The following TEPSIN variants were observed in gnomAD, a reference collection of about 807,000 sequenced individuals.
TEPSIN encodes the protein AP-4 complex accessory subunit tepsin.
In TEPSIN, 50 loss-of-function variants were observed where a neutral mutation model predicts 48.5. The observed-to-expected ratio is 1.03, with a 90% CI of 0.82 to 1.31. The LOEUF (loss-of-function observed/expected upper bound fraction) is 1.31. Among genes scored for constraint, TEPSIN ranks in the 50% most tolerant of loss-of-function variants. The pLI is 0.00. For missense variants in TEPSIN, 838 were observed against 815.9 expected (o/e 1.03, Z -0.33); for synonymous variants, 392 against 358.8 (o/e 1.09, Z -1.05).
At chr17:81,232,223 G>A (rs1013315195) in intron 8 of TEPSIN, 92 bp downstream of exon 8, 27 of 1,381,128 alleles carry the variant, frequency 2.0e-5, no homozygotes, top group African/African-American at 4.4e-5. Flanking sequence ...CTGTGTGGGA[G>A]GCCCTGGGAT....
intron 8 of TEPSIN, 57 bp downstream of exon 8, chr17:81,232,258 A>T: frequency 6.9e-7 from 1 of 1,458,258 alleles, no homozygotes; most frequent in Non-Finnish European, 9.1e-7. Flanking sequence ...GCAAAGCCCC[A>T]GCGGTGACAG....
At position 81,234,344 on chromosome 17, in the gene TEPSIN, C is replaced by A. The variant is rs943985904; in HGVS notation, c.308-296G>T. The A allele has an allele frequency of 3.3e-6, 1 of 305,218 alleles. No individual in the cohort carries two copies. Among genetic ancestry groups the A allele is most frequent in the Middle Eastern group, 8.7e-4 (1 of 1,154 alleles). The allele number at this position is 305,218 out of a possible 1,614,324, so 18.9% of individuals were successfully genotyped here. A position where few individuals can be genotyped will look rare whatever the true frequency, so the allele number is the denominator to read the frequency against. ...GCGGGTGTGGCCTCCCCGAAGCCCA[C>A]TCTCCCTGCCCCAGGTGCACCAGGG... On this transcript the variant is annotated intron_variant, in intron 4 of 12. Transcript: ENST00000637944. The surrounding 1 kb of genome is among the most constrained non-coding windows in gnomAD (Gnocchi z 5.4).
chr17:81,236,575 C>T (rs928467173), intron 4 of TEPSIN, 133 bp downstream of exon 4: 44 of 924,688 alleles, frequency 4.8e-5, no homozygotes, highest in East Asian at 2.1e-4. Context: ...ATCAGCAAGG[C>T]GGGGCTTTGA....
intron 1 of TEPSIN, chr17:81,238,581 G>T: frequency 1.9e-6 from 2 of 1,066,980 alleles, no homozygotes; most frequent in Non-Finnish European, 1.1e-6. Context: ...GCCTCTCCAG[G>T]ACCGGAGTCC....
intron 4 of TEPSIN, among the ~76,000 whole-genome samples, chr17:81,236,069 G>A (rs1598360205): frequency 6.6e-6 from 1 of 152,204 alleles, no homozygotes; most frequent in South Asian, 2.1e-4. Flanking sequence ...TGACCACCTG[G>A]AGCCAGGCCT....
rs1256011142 is a variant in TEPSIN at position 81,230,884 on chromosome 17, A to AC, written c.1099-207dup. On this transcript the variant is annotated intron_variant, in intron 11 of 12. Coordinates refer to ENST00000637944, the MANE Select transcript of TEPSIN (RefSeq NM_001363764.2). The surrounding 1 kb of genome is among the most constrained non-coding windows in gnomAD (Gnocchi z 4.2). ...CACAGCCCTGTCCTCACCACCTTAC[A>AC]CCCCCGCTCCCAGACACCAGAGCCC... 1 of 586,368 alleles carries AC rather than the reference A, an allele frequency of 1.7e-6. No individual in the cohort carries two copies. The highest frequency in any genetic ancestry group is 2.8e-6 in the Non-Finnish European group (1 of 360,838). 36.3% of individuals were successfully genotyped at this position (586,368 alleles called of 1,614,324 possible).
chr17:81,228,426 A>C lies in TEPSIN; in HGVS notation c.*502T>G. On this transcript the variant is annotated 3_prime_UTR_variant, in exon 13 of 13. Transcript: ENST00000637944. ...AGCAGGTGAGAGCCAGGGAAGGATC[A>C]CGTAGGGATCTGAGACTTGAAATGG... The C allele has an allele frequency of 8.1e-5, 16 of 197,604 alleles. No homozygotes were observed. Among genetic ancestry groups the C allele is most frequent in the South Asian group, 2.4e-4 (3 of 12,622 alleles). The allele number at this position is 197,604 out of a possible 1,614,324, so 12.2% of individuals were successfully genotyped here.
chr17:81,229,361 A>G lies in TEPSIN; in HGVS notation c.1349T>C (p.Val450Ala), dbSNP rs552581907. 5 of 1,561,188 alleles carry G rather than the reference A, an allele frequency of 3.2e-6. No individual in the cohort carries two copies. In the South Asian group the frequency reaches 4.7e-5, roughly 15 times the overall value. ...GAAGACCTGGCTCCCAGGGAGAGGCACAGCGTCGGTCAGCAGGTCAGATGG... is the reference window on the plus strand; with the variant it reads ...GAAGACCTGGCTCCCAGGGAGAGGCGCAGCGTCGGTCAGCAGGTCAGATGG... Reference protein sequence around the residue: ...PGPSDLLTDAVPLPGSQVFLQ... With the variant: ...PGPSDLLTDAAPLPGSQVFLQ... The change falls in exon 13 of 13, where the codon GTG becomes GCG. Residue 450 changes from valine to alanine, a missense_variant. Physicochemically the swap from Val to Ala is moderately conservative, Grantham distance 64. Transcript: ENST00000637944.
chr17:81,229,486 G>A lies in TEPSIN; in HGVS notation c.1234-10C>T. 6.5e-7 allele frequency: 1 copy of A among 1,549,402 alleles called. No individual in the cohort carries two copies. The highest frequency in any genetic ancestry group is 1.2e-5 in the South Asian group (1 of 84,020). The stretch of plus-strand genomic sequence containing the variant: ...CAAAGTGCCTCAGGATCTGAAAGAG[G>A]AAGGAGGAACCAGGGAGGTTCCTAT... On this transcript the variant is annotated splice_polypyrimidine_tract_variant and intron_variant, in intron 12 of 12. Transcript: ENST00000637944.
intron 7 of TEPSIN, chr17:81,232,958 C>T (rs560826113): frequency 4.3e-6 from 1 of 234,210 alleles, no homozygotes; most frequent in Admixed American, 5.2e-5. Flanking sequence ...TGAGCAGCTA[C>T]ACACCGCCCA....
chr17:81,236,822 C>T lies in TEPSIN; in HGVS notation c.214-21G>A, dbSNP rs532552112. 2.4e-5 allele frequency: 37 copies of T among 1,554,248 alleles called. No individual in the cohort carries two copies. The African/African-American group carries it at 3.7e-4, about 15-fold the overall frequency. On this transcript the variant is annotated intron_variant, in intron 3 of 12. Coordinates refer to ENST00000637944, the MANE Select transcript of TEPSIN (RefSeq NM_001363764.2). ...AGCACCTGGGGAGTGGGGCGGTCAGCAGTGCTGGGCAGGCCGGACACGGGA... is the reference window on the plus strand; with the variant it reads ...AGCACCTGGGGAGTGGGGCGGTCAGTAGTGCTGGGCAGGCCGGACACGGGA...
At chr17:81,238,794 G>C (rs956483130) in intron 1 of TEPSIN, 192 bp downstream of exon 1, 22 of 1,321,200 alleles carry the variant, frequency 1.7e-5, no homozygotes, top group Middle Eastern at 2.8e-4. Flanking sequence ...GGCTTGGAAG[G>C]CCCGGCTTGG....
In TEPSIN at chr17:81,236,974, G is replaced by A. The variant is rs1370593540; in HGVS notation, c.213+6C>T. On this transcript the variant is annotated splice_donor_region_variant and intron_variant, in intron 3 of 12. Transcript: ENST00000637944. ...AGGCCTGACCCTTGACCACCCAGGG[G>A]CTCACCTTGAGCTTCCCGTGGCCGG... 2 of 1,571,888 alleles carry A rather than the reference G, an allele frequency of 1.3e-6. No homozygotes were observed. The highest frequency in any genetic ancestry group is 8.6e-7 in the Non-Finnish European group (1 of 1,157,994).
intron 4 of TEPSIN, 173 bp downstream of exon 4, chr17:81,236,535 A>G (rs1415819485): frequency 2.9e-6 from 2 of 699,940 alleles, no homozygotes; most frequent in African/African-American, 3.6e-5. Flanking sequence ...GAGGGTGGGC[A>G]GCAGGTGGAG....
At chr17:81,236,645 C>T in intron 4 of TEPSIN, 63 bp downstream of exon 4, 2 of 1,477,356 alleles carry the variant, frequency 1.4e-6, no homozygotes, top group Non-Finnish European at 1.8e-6. Context: ...CCTGGAGGAT[C>T]CGCCACCCTC....
Position 81,228,579 on chromosome 17 carries a change from C to A in TEPSIN, c.*349G>T. On this transcript the variant is annotated 3_prime_UTR_variant, in exon 13 of 13. Coordinates refer to ENST00000637944, the MANE Select transcript of TEPSIN (RefSeq NM_001363764.2). ...AGTGGCTTGTTGCTGCTCATGACCT[C>A]CTGGGGAAGGAGGGAGCTGAGATCA... The A allele has an allele frequency of 1.5e-5, 5 of 342,680 alleles. No individual in the cohort carries two copies. Among genetic ancestry groups the A allele is most frequent in the South Asian group, 1.4e-4 (5 of 36,000 alleles). The allele number at this position is 342,680 out of a possible 1,614,324, so 21.2% of individuals were successfully genotyped here. A position where few individuals can be genotyped will look rare whatever the true frequency, so the allele number is the denominator to read the frequency against.
intron 1 of TEPSIN, chr17:81,237,761 G>C (rs571126987): frequency 3.3e-5 from 15 of 453,654 alleles, no homozygotes; most frequent in African/African-American, 2.8e-4. Flanking sequence ...TTACCAGCAT[G>C]TAAGGCTATT....
At position 81,230,536 on chromosome 17, in the gene TEPSIN, C is replaced by T. The variant is rs371243639; in HGVS notation, c.1233+8G>A. 2.5e-6 allele frequency: 4 copies of T among 1,611,008 alleles called. No homozygotes were observed. Among genetic ancestry groups the T allele is most frequent in the Non-Finnish European group, 3.4e-6 (4 of 1,179,240 alleles). ...CCCGGTGTGCGTGTGGCCTCCGCAG[C>T]TGCCCACCTTGGTGGCCTTGTTGGT... is the stretch of plus-strand genomic sequence containing the variant. On this transcript the variant is annotated splice_region_variant and intron_variant, in intron 12 of 12. Coordinates refer to ENST00000637944, the MANE Select transcript of TEPSIN (RefSeq NM_001363764.2). The surrounding 1 kb of genome is among the most constrained non-coding windows in gnomAD (Gnocchi z 4.2).
Position 81,238,958 on chromosome 17 carries a change from G to C in TEPSIN, c.48+28C>G, listed in dbSNP as rs777833283. 1.7e-5 allele frequency: 25 copies of C among 1,428,774 alleles called. No individual in the cohort carries two copies. In the South Asian group the frequency reaches 1.8e-4, roughly 11 times the overall value. The allele number at this position is 1,428,774 out of a possible 1,614,324, so 88.5% of individuals were successfully genotyped here. A position where few individuals can be genotyped will look rare whatever the true frequency, so the allele number is the denominator to read the frequency against. On this transcript the variant is annotated intron_variant, in intron 1 of 12. Coordinates refer to ENST00000637944, the MANE Select transcript of TEPSIN (RefSeq NM_001363764.2). ...GGCGCTCGAGAGGAGCCGTGGGACC[G>C]GGGCCCGGGCGGACCGCCCTCACTC...
Sources: allele counts gnomAD v4.1 joint callset (sites outside exome capture counted in the v4.1 genomes callset), GRCh38; gene constraint gnomAD v4.1.1; non-coding constraint Gnocchi (gnomAD v3.1); transcripts MANE v1.5; gene names NCBI Gene and HGNC (gene_info 2026-07-23, HGNC 2026-07-21).